DIP2C: variants seen among roughly 807,000 people sequenced by gnomAD.
DIP2C encodes the protein disco-interacting protein 2 homolog C.
DIP2C carries 33 observed loss-of-function variants against 192.4 expected under a neutral mutation model. The observed-to-expected ratio is 0.17, with a 90% CI of 0.13 to 0.23. The LOEUF (loss-of-function observed/expected upper bound fraction) is 0.23. Among genes scored for constraint, DIP2C ranks in the 10% least tolerant of loss-of-function variants. The pLI, the probability that DIP2C is intolerant of heterozygous loss-of-function variation, is 1.00. For missense variants in DIP2C, 1,537 were observed against 2,110.1 expected (o/e 0.73, Z 5.32); for synonymous variants, 979 against 864.1 (o/e 1.13, Z -2.33).
At chr10:570,689 A>G (rs1033410371) in intron 1 of DIP2C, among the ~76,000 whole-genome samples, 4 of 152,202 alleles carry the variant, frequency 2.6e-5, no homozygotes, top group African/African-American at 9.7e-5. Flanking sequence ...GTGTAGCACC[A>G]TCCAACTGAT....
At chr10:334,464 A>T (rs1345749071) in intron 29 of DIP2C, among the ~76,000 whole-genome samples, 1 of 152,034 alleles carries the variant, frequency 6.6e-6, no homozygotes, top group East Asian at 1.9e-4. Context: ...GTTCCAGTCC[A>T]GTTTATCAGT....
rs576408745 is a variant in DIP2C, at chr10:459,839, C to T, written c.268+12600G>A. 2.1e-4 allele frequency among the ~76,000 whole-genome samples: 32 copies of T among 149,152 alleles called. No homozygotes were observed. In the South Asian group the frequency reaches 3.6e-3, roughly 17 times the overall value. ...CCACATCAGGGAACTGCGTGCTGCA[C>T]GTAGGCTCTAGGATCTTCCTCTCAC... On this transcript the variant is annotated intron_variant, in intron 3 of 36. Transcript: ENST00000280886.
chr10:492,452 T>C (rs905831944), intron 1 of DIP2C, among the ~76,000 whole-genome samples: 8 of 152,312 alleles, frequency 5.3e-5, no homozygotes, highest in Non-Finnish European at 1.2e-4. Flanking sequence ...TTAAATTCCA[T>C]AAAGATCTTT....
chr10:484,526 C>T (rs1243744721), intron 2 of DIP2C, among the ~76,000 whole-genome samples: 2 of 152,144 alleles, frequency 1.3e-5, no homozygotes, highest in East Asian at 3.9e-4. Context: ...CTAAGTGGTG[C>T]CCAACTGAGA....
intron 3 of DIP2C, among the ~76,000 whole-genome samples, chr10:451,724 C>T (rs939743610): frequency 6.6e-6 from 1 of 152,162 alleles, no homozygotes; most frequent in East Asian, 1.9e-4. Flanking sequence ...AGTGTAACCA[C>T]TTTTGCCATC....
chr10:575,871 A>G (rs1850117375), intron 1 of DIP2C, among the ~76,000 whole-genome samples: 1 of 152,198 alleles, frequency 6.6e-6, no homozygotes, highest in Admixed American at 6.5e-5. Flanking sequence ...ACAATGAGAA[A>G]CAATCTGGTC....
At chr10:483,074 C>T (rs1382516818) in intron 2 of DIP2C, among the ~76,000 whole-genome samples, 3 of 152,172 alleles carry the variant, frequency 2.0e-5, no homozygotes, top group African/African-American at 7.2e-5. Context: ...GACTGGAGGC[C>T]CCGACAGACG....
intron 1 of DIP2C, chr10:663,109 G>C (rs951571626): frequency 5.5e-6 from 3 of 542,938 alleles, no homozygotes; most frequent in South Asian, 3.0e-5. Context: ...GGTCTGCAGA[G>C]GGGGAGATCC....
chr10:315,984 TCATTTCCAG>T (rs1956759423), intron 31 of DIP2C, among the ~76,000 whole-genome samples: 1 of 152,338 alleles, frequency 6.6e-6, no homozygotes, highest in African/African-American at 2.4e-5. Context: ...ATACTAGTTT[TCATTTCCAG>T]CATTTCCATT....
At position 363,372 on chromosome 10, in the gene DIP2C, G is replaced by A. The variant is rs202117208; in HGVS notation, c.2478-61C>T. ...GGGACGCTCATGCAGCCCTCCCTCC[G>A]CCATCAGGGGCTCCATAACCATCAC... On this transcript the variant is annotated intron_variant, in intron 20 of 36. Coordinates refer to ENST00000280886, the MANE Select transcript of DIP2C (RefSeq NM_014974.3). This position sits in a 1 kb window ranked among gnomAD's most constrained non-coding sequence, Gnocchi z 5.4. The A allele has an allele frequency of 1.8e-5, 25 of 1,407,572 alleles. No individual in the cohort carries two copies. The highest frequency in any genetic ancestry group is 3.5e-5 in the South Asian group (3 of 84,690). The allele number at this position is 1,407,572 out of a possible 1,614,324, so 87.2% of individuals were successfully genotyped here. A position where few individuals can be genotyped will look rare whatever the true frequency, so the allele number is the denominator to read the frequency against.
intron 1 of DIP2C, among the ~76,000 whole-genome samples, chr10:622,722 C>G (rs1424013356): frequency 6.6e-6 from 1 of 152,190 alleles, no homozygotes; most frequent in African/African-American, 2.4e-5. Context: ...ACAGTAACGT[C>G]AAACTCACGT....
intron 1 of DIP2C, among the ~76,000 whole-genome samples, chr10:503,071 C>T (rs748215419): frequency 3.3e-5 from 5 of 150,488 alleles, no homozygotes; most frequent in South Asian, 2.1e-4. Flanking sequence ...ACATAAATTC[C>T]GCCAAGACGC....
intron 5 of DIP2C, among the ~76,000 whole-genome samples, chr10:422,143 G>A (rs1183717517): frequency 3.3e-5 from 5 of 152,140 alleles, no homozygotes; most frequent in South Asian, 2.1e-4. Context: ...AGTCGTCTCC[G>A]GTTACTGCTT....
At chr10:637,043 A>C (rs1292105063) in intron 1 of DIP2C, among the ~76,000 whole-genome samples, 1 of 152,264 alleles carries the variant, frequency 6.6e-6, no homozygotes, top group East Asian at 1.9e-4. Flanking sequence ...TGGAGGTGTG[A>C]ACTGCACAGG....
chr10:298,471 G>A (rs890130738), intron 32 of DIP2C, among the ~76,000 whole-genome samples: 3 of 152,176 alleles, frequency 2.0e-5, no homozygotes, highest in Non-Finnish European at 4.4e-5. Context: ...TGCCCTCTCT[G>A]GAGGCATCGC....
chr10:343,683 A>G (rs754076305), intron 28 of DIP2C, among the ~76,000 whole-genome samples: 5 of 152,194 alleles, frequency 3.3e-5, no homozygotes, highest in Non-Finnish European at 5.9e-5. Flanking sequence ...GAGTTAGTCA[A>G]ACCCTGCCTC....
chr10:447,673 T>C (rs1344795390), intron 3 of DIP2C, among the ~76,000 whole-genome samples: 76 of 74,274 alleles, frequency 1.0e-3, no homozygotes, highest in African/African-American at 1.5e-3. Flanking sequence ...TCACCCCCAT[T>C]GATATTCAGG....
At chr10:427,321 C>A (rs1365114739) in intron 4 of DIP2C, among the ~76,000 whole-genome samples, 1 of 152,184 alleles carries the variant, frequency 6.6e-6, no homozygotes. Flanking sequence ...AGTGGGTCCA[C>A]CTGCTTAAAC....
rs545102882 is a variant in DIP2C at position 310,154 on chromosome 10, T to C, written c.3925-62A>G. The C allele has an allele frequency of 1.5e-3, 2,210 of 1,429,242 alleles. 46 individuals carry two copies. The South Asian group carries it at 0.024, about 16-fold the overall frequency. The allele number at this position is 1,429,242 out of a possible 1,614,324, so 88.5% of individuals were successfully genotyped here. A position where few individuals can be genotyped will look rare whatever the true frequency, so the allele number is the denominator to read the frequency against. On this transcript the variant is annotated intron_variant, in intron 31 of 36. Transcript: ENST00000280886. The stretch of plus-strand genomic sequence containing the variant: ...ATGGAGGGAGATTGGGGTCTGTGCT[T>C]CTACTAGTTAGGAAACATTTCTTTT...
Sources: allele counts gnomAD v4.1 joint callset (sites outside exome capture counted in the v4.1 genomes callset), GRCh38; gene constraint gnomAD v4.1.1; non-coding constraint Gnocchi (gnomAD v3.1); transcripts MANE v1.5; gene names NCBI Gene and HGNC (gene_info 2026-07-23, HGNC 2026-07-21).